AVEN: variants seen among roughly 807,000 people sequenced by gnomAD.
AVEN encodes the protein apoptosis and caspase activation inhibitor, also known as cell death regulator Aven.
A neutral mutation model predicts 38.1 loss-of-function variants in AVEN; 41 were observed. The ratio of observed to expected loss-of-function variants is 1.08; its 90% confidence interval spans 0.84 to 1.40. The LOEUF (loss-of-function observed/expected upper bound fraction) is 1.40, where lower values mean the gene tolerates loss of function less well. Ranked by LOEUF, AVEN falls within the 40% of genes most tolerant of loss-of-function variation. The probability of loss-of-function intolerance (pLI) is 0.00; values close to 1 mark genes in which losing one functional copy is unlikely to be tolerated. For synonymous variants in AVEN, 206 were observed against 171.8 expected (o/e 1.20, Z -1.56); for missense variants, 605 against 438.8 (o/e 1.38, Z -3.38).
intron 2 of AVEN, among the ~76,000 whole-genome samples, chr15:33,975,213 T>C (rs908830030): frequency 6.6e-5 from 10 of 152,214 alleles, no homozygotes; most frequent in Admixed American, 1.3e-4. Context: ...TTTGTTGTAA[T>C]TGTTCTGCCA....
In AVEN at chr15:34,073,989, CT is replaced by C. The variant is rs5811818; in HGVS notation, n.720+446del. Among the ~76,000 whole-genome samples the C allele has an allele frequency of 5.4e-4, 17 of 31,506 alleles. 1 individual carries two copies. The highest frequency in any genetic ancestry group is 1.1e-3 in the African/African-American group (17 of 15,228). The allele number at this position is 31,506 out of a possible 152,430, so 20.7% of individuals were successfully genotyped here. A position where few individuals can be genotyped will look rare whatever the true frequency, so the allele number is the denominator to read the frequency against. On this transcript the variant is annotated intron_variant and non_coding_transcript_variant, in intron 1 of 11. Transcript: ENST00000675287. ...AGGAACTTTCTTTTTTCTTCTTCTT[CT>C]TTTTTTTTTTTTTTTTTTTTTTTTT...
At chr15:33,903,078 T>C (rs1232414667) in intron 2 of AVEN, among the ~76,000 whole-genome samples, 4 of 152,236 alleles carry the variant, frequency 2.6e-5, no homozygotes, top group Admixed American at 2.6e-4. Flanking sequence ...CAGAAAATTC[T>C]AGATACTTCT....
intron 5 of AVEN, among the ~76,000 whole-genome samples, chr15:34,061,440 A>T (rs1900333349): frequency 6.6e-6 from 1 of 152,236 alleles, no homozygotes; most frequent in South Asian, 2.1e-4. Flanking sequence ...TAAGTAAAAA[A>T]CAAAATTCAA....
chr15:33,930,044 G>A (rs998682966), intron 2 of AVEN, among the ~76,000 whole-genome samples: 1 of 152,162 alleles, frequency 6.6e-6, no homozygotes, highest in Non-Finnish European at 1.5e-5. Context: ...AAATACTAAA[G>A]GGGCCCTATA....
intron 1 of AVEN, among the ~76,000 whole-genome samples, chr15:34,021,759 G>A (rs1164017915): frequency 6.6e-6 from 1 of 152,130 alleles, no homozygotes; most frequent in Non-Finnish European, 1.5e-5. Context: ...GGAGGCTGAG[G>A]CAGGAGAATC....
intron 5 of AVEN, among the ~76,000 whole-genome samples, chr15:34,056,909 C>A (rs1900174168): frequency 6.6e-6 from 1 of 152,212 alleles, no homozygotes; most frequent in South Asian, 2.1e-4. Flanking sequence ...GATTGTGGCA[C>A]ATGCCTGTAG....
chr15:33,930,525 A>C (rs981139790), intron 2 of AVEN, among the ~76,000 whole-genome samples: 3 of 152,236 alleles, frequency 2.0e-5, no homozygotes, highest in Non-Finnish European at 4.4e-5. Context: ...ATGGAGCTAA[A>C]TAATCTCTCT....
intron 1 of AVEN, among the ~76,000 whole-genome samples, chr15:34,011,612 G>A (rs1008262923): frequency 3.9e-5 from 6 of 152,148 alleles, no homozygotes; most frequent in African/African-American, 1.2e-4. Context: ...TATGGAAAAA[G>A]CAGAGGGGAA....
Position 33,866,678 on chromosome 15 carries a change from G to A in AVEN, c.1024C>T (p.Pro342Ser), listed in dbSNP as rs768559397. ...TCGGTAACATTTTTGGAGGTACTTG[G>A]TTGCTCAGGTTCCATGTTTTTTTCT... is the stretch of plus-strand genomic sequence containing the variant. Reference protein sequence around the residue: ...TEEKNMEPEQPSTSKNVTEEE... With the variant: ...TEEKNMEPEQSSTSKNVTEEE... The change falls in exon 6 of 6, where the codon CCA becomes TCA. Residue 342 changes from proline to serine, a missense_variant. Coordinates refer to ENST00000306730, the MANE Select transcript of AVEN (RefSeq NM_020371.3). 6.2e-7 allele frequency: 1 copy of A among 1,613,982 alleles called. No homozygotes were observed. The highest frequency in any genetic ancestry group is 1.7e-5 in the Admixed American group (1 of 60,012).
intron 2 of AVEN, among the ~76,000 whole-genome samples, chr15:33,985,293 T>C (rs781326435): frequency 8.2e-5 from 10 of 121,228 alleles, no homozygotes; most frequent in Non-Finnish European, 1.4e-4. Flanking sequence ...TGGTTCCTCA[T>C]TGCCCCCGTC....
intron 5 of AVEN, among the ~76,000 whole-genome samples, chr15:34,045,984 G>A (rs1005036258): frequency 1.3e-5 from 2 of 152,034 alleles, no homozygotes; most frequent in African/African-American, 4.8e-5. Flanking sequence ...CTTAATGCTG[G>A]TATCCTAAAA....
At chr15:34,048,479 C>T (rs527310572) in intron 5 of AVEN, among the ~76,000 whole-genome samples, 3 of 152,146 alleles carry the variant, frequency 2.0e-5, no homozygotes, top group African/African-American at 4.8e-5. Flanking sequence ...CATTCCTCCT[C>T]ACTGGGCAGG....
chr15:33,909,567 T>C (rs972750056), intron 2 of AVEN, among the ~76,000 whole-genome samples: 2 of 152,324 alleles, frequency 1.3e-5, no homozygotes, highest in East Asian at 3.9e-4. Context: ...GCAGGCACTG[T>C]CAACACAATG....
chr15:34,032,021 A>ACG (rs1898869301), intron 1 of AVEN, among the ~76,000 whole-genome samples: 1 of 116,340 alleles, frequency 8.6e-6, no homozygotes, highest in Non-Finnish European at 2.0e-5. Flanking sequence ...ACGCGCGCAC[A>ACG]CGCACACACA....
intron 1 of AVEN, among the ~76,000 whole-genome samples, chr15:34,020,330 A>G (rs1398838611): frequency 1.3e-5 from 2 of 152,144 alleles, no homozygotes; most frequent in Non-Finnish European, 2.9e-5. Flanking sequence ...AGAAAAAAAA[A>G]TAGAGGTTTT....
upstream of AVEN, among the ~76,000 whole-genome samples, chr15:34,043,721 A>G (rs1899574388): frequency 6.6e-6 from 1 of 152,238 alleles, no homozygotes; most frequent in Admixed American, 6.5e-5. Flanking sequence ...GCAAACTCCC[A>G]AAATACAGAA....
downstream of AVEN, among the ~76,000 whole-genome samples, chr15:33,862,558 A>T (rs1205039582): frequency 6.6e-6 from 1 of 152,190 alleles, no homozygotes; most frequent in African/African-American, 2.4e-5. Flanking sequence ...AGGCATTGTC[A>T]GAAGTGGCAA....
Position 34,062,763 on chromosome 15 carries a change from C to T in AVEN, n.1637+159G>A, listed in dbSNP as rs111448827. On this transcript the variant is annotated intron_variant and non_coding_transcript_variant, in intron 5 of 11. Coordinates refer to the AVEN transcript ENST00000675287. ...CAATGCAACCACCGTCAATGGCACC[C>T]CAGTAAATCACCAGCCTTTGGAACG... The T allele has an allele frequency of 4.9e-4, 787 of 1,613,858 alleles. 6 individuals carry two copies. In the African/African-American group the frequency reaches 9.4e-3, roughly 19 times the overall value.
At chr15:33,861,211 G>GCCGGGCGCGGTGGCTCACGC in intron 11 of AVEN, 1 of 1,496,990 alleles carries the variant, frequency 6.7e-7, no homozygotes. Flanking sequence ...AGTAATGGCA[G>GCCGGGCGCGGTGGCTCACGC]CTGTAGCGTA....
Sources: gnomAD v4.1 joint callset for allele counts (sites outside exome capture counted in the v4.1 genomes callset) on GRCh38, gnomAD v4.1.1 for gene constraint, MANE v1.5 for transcripts, NCBI Gene and HGNC (gene_info 2026-07-23, HGNC 2026-07-21) for gene names.